NCKAP5: variants seen among roughly 807,000 people sequenced by gnomAD.
The protein encoded by NCKAP5 is NCK associated protein 5.
Under a neutral mutation model 167.0 loss-of-function variants are expected in NCKAP5, and 92 were observed. The ratio of observed to expected loss-of-function variants is 0.55; its 90% CI spans 0.47 to 0.66. NCKAP5 has a LOEUF of 0.66. Ranked by LOEUF, NCKAP5 falls within the 30% of genes least tolerant of loss-of-function variation. NCKAP5 has a pLI of 0.00. For missense variants in NCKAP5, 2,378 were observed against 2,315.0 expected (o/e 1.03, Z -0.56); for synonymous variants, 891 against 877.4 (o/e 1.02, Z -0.27).
At chr2:133,320,539 T>C (rs1057130451) in intron 3 of NCKAP5, among the ~76,000 whole-genome samples, 21 of 152,174 alleles carry the variant, frequency 1.4e-4, no homozygotes, top group Middle Eastern at 3.4e-3. Context: ...CCATCCTGGC[T>C]AACATGGTGA....
chr2:132,789,254 C>T lies in NCKAP5; in HGVS notation c.1092+769G>A, dbSNP rs760064285. Among the ~76,000 whole-genome samples the T allele has an allele frequency of 2.1e-3, 326 of 152,308 alleles. 1 individual carries two copies. Among genetic ancestry groups the T allele is most frequent in the South Asian group, 0.013 (63 of 4,822 alleles). The stretch of plus-strand genomic sequence containing the variant: ...TCACAAAGCGAGGAAACATCCCTGA[C>T]CATCTGTCCAGTCTGTTCCAAACCA... On this transcript the variant is annotated intron_variant, in intron 13 of 19. Transcript: ENST00000409261.
At chr2:133,594,779 T>C in the NCKAP5 span, among the ~76,000 whole-genome samples, 1 of 152,172 alleles carries the variant, frequency 6.6e-6, no homozygotes, top group African/African-American at 2.4e-5. Context: ...ACAATATAGT[T>C]ACTTTAAGAC....
At chr2:133,414,414 A>G (rs1325528898) in intron 3 of NCKAP5, among the ~76,000 whole-genome samples, 2 of 152,142 alleles carry the variant, frequency 1.3e-5, no homozygotes, top group Non-Finnish European at 2.9e-5. Context: ...TAGTGGAATC[A>G]TTTACCCTAA....
Position 132,782,018 on chromosome 2 carries a change from A to T in NCKAP5, c.4793T>A (p.Leu1598Gln). The T allele has an allele frequency of 6.2e-7, 1 of 1,613,958 alleles. No homozygotes were observed. The highest frequency in any genetic ancestry group is 8.5e-7 in the Non-Finnish European group (1 of 1,179,878). ...GTGTCTATTCCTTGGTTCAATCTTC[A>T]GTTGGTTGTAAATGTCTTGTGGTGT... ...RRTPQDIYNQ[L>Q]KIEPRNRHSP... Residue 1598 changes from leucine (L) to glutamine (Q), a missense_variant, in exon 14 of 20, where the codon CTG becomes CAG. Around this residue, in one of 3 missense-constraint regions of NCKAP5, gnomAD observed 1,325 missense variants for 1,274.5 expected, o/e 1.04. Coordinates refer to ENST00000409261, the MANE Select transcript of NCKAP5 (RefSeq NM_207363.3).
chr2:132,684,073 G>A (rs750528299), intron 19 of NCKAP5, among the ~76,000 whole-genome samples: 7 of 152,154 alleles, frequency 4.6e-5, no homozygotes, highest in Admixed American at 1.3e-4. Flanking sequence ...CTCTTCAACT[G>A]GCTTTATGCC....
intron 4 of NCKAP5, among the ~76,000 whole-genome samples, chr2:133,256,594 T>C (rs2088630030): frequency 6.6e-6 from 1 of 152,192 alleles, no homozygotes; most frequent in Non-Finnish European, 1.5e-5. Context: ...TTTAAAAAAA[T>C]AGATAAATGT....
intron 8 of NCKAP5, among the ~76,000 whole-genome samples, chr2:132,907,504 G>T (rs1160353915): frequency 4.6e-5 from 7 of 152,074 alleles, no homozygotes; most frequent in Admixed American, 4.6e-4. Context: ...TTTCCTCTTT[G>T]TAGGTGGGAA....
intron 8 of NCKAP5, among the ~76,000 whole-genome samples, chr2:132,880,964 T>C (rs914571766): frequency 3.3e-5 from 5 of 152,206 alleles, no homozygotes; most frequent in Non-Finnish European, 5.9e-5. Flanking sequence ...TCTTGTACAA[T>C]CACAGTATAG....
At chr2:132,866,178 C>T (rs529313671) in intron 10 of NCKAP5, among the ~76,000 whole-genome samples, 13 of 152,162 alleles carry the variant, frequency 8.5e-5, no homozygotes, top group South Asian at 2.1e-4. Context: ...TTCATATGAA[C>T]GAAAATAACT....
chr2:132,880,459 A>G (rs34648449), intron 8 of NCKAP5, among the ~76,000 whole-genome samples: 59,059 of 151,838 alleles, frequency 0.39, 11,835 homozygotes, highest in Middle Eastern at 0.53. Context: ...GTGAAACCCC[A>G]TCTCTACTAA....
intron 8 of NCKAP5, among the ~76,000 whole-genome samples, chr2:132,884,700 G>A (rs999350446): frequency 3.9e-5 from 6 of 152,106 alleles, no homozygotes; most frequent in African/African-American, 1.4e-4. Flanking sequence ...ATTTTAGTAA[G>A]CCAGCAGTAC....
intron 11 of NCKAP5, among the ~76,000 whole-genome samples, chr2:132,811,653 C>T (rs535425724): frequency 3.9e-5 from 6 of 152,096 alleles, no homozygotes; most frequent in Admixed American, 6.5e-5. Flanking sequence ...TGTTTCCAGG[C>T]GGAAGGTGAG....
intron 7 of NCKAP5, among the ~76,000 whole-genome samples, chr2:132,978,482 T>C (rs1410790468): frequency 6.6e-6 from 1 of 152,186 alleles, no homozygotes; most frequent in Non-Finnish European, 1.5e-5. Context: ...CATTTCCTCA[T>C]AGGCAAAATG....
chr2:132,724,419 C>T (rs1190514740), intron 19 of NCKAP5, among the ~76,000 whole-genome samples: 1 of 152,098 alleles, frequency 6.6e-6, no homozygotes, highest in African/African-American at 2.4e-5. Flanking sequence ...GGAGAACGTT[C>T]GAGAGCTGAA....
At chr2:132,718,980 T>C (rs546538503) in intron 19 of NCKAP5, among the ~76,000 whole-genome samples, 1 of 152,288 alleles carries the variant, frequency 6.6e-6, no homozygotes, top group South Asian at 2.1e-4. Context: ...TGAAGGGGCA[T>C]CCTGAAGACT....
intron 7 of NCKAP5, among the ~76,000 whole-genome samples, chr2:132,974,702 G>C (rs900838035): frequency 6.6e-5 from 10 of 152,336 alleles, no homozygotes; most frequent in Non-Finnish European, 1.5e-4. Context: ...CTTTAGCCAA[G>C]CGTGAACCAT....
chr2:133,385,578 G>T lies in NCKAP5; in HGVS notation c.70-82468C>A, dbSNP rs1363821210. Reference sequence around the variant, plus strand: ...TGGCCTCATAAAATGAGTTAGGGAGGATTCCCTCTTTTTCTATTGATTGGA... The same window carrying T: ...TGGCCTCATAAAATGAGTTAGGGAGTATTCCCTCTTTTTCTATTGATTGGA... On this transcript the variant is annotated intron_variant, in intron 3 of 19. Transcript: ENST00000409261. 6.6e-5 allele frequency among the ~76,000 whole-genome samples: 10 copies of T among 152,316 alleles called. No individual in the cohort carries two copies. The East Asian group carries it at 1.2e-3, about 18-fold the overall frequency.
At position 133,520,198 on chromosome 2, in the gene NCKAP5, T is replaced by TATAAAA. The variant is rs1275320712; in HGVS notation, c.-61-2617_-61-2612dup. Among the ~76,000 whole-genome samples the TATAAAA allele has an allele frequency of 8.4e-4, 127 of 151,882 alleles. 1 individual carries two copies. The highest frequency in any genetic ancestry group is 2.9e-3 in the African/African-American group (119 of 41,406). On this transcript the variant is annotated intron_variant, in intron 2 of 19. Coordinates refer to ENST00000409261, the MANE Select transcript of NCKAP5 (RefSeq NM_207363.3). The stretch of plus-strand genomic sequence containing the variant: ...TACAGAGCGAGACTCCATCTCAAAA[T>TATAAAA]ATAAAAATAAAAATAAAAAGAGAGA...
chr2:132,742,186 T>C (rs1184688271), intron 16 of NCKAP5, among the ~76,000 whole-genome samples: 2 of 152,160 alleles, frequency 1.3e-5, no homozygotes, highest in East Asian at 3.9e-4. Context: ...CACAGGTGGC[T>C]ATTATGGGTG....
Sources: allele counts gnomAD v4.1 joint callset (sites outside exome capture counted in the v4.1 genomes callset), GRCh38; gene constraint gnomAD v4.1.1; regional missense constraint gnomAD v4.1.1; transcripts MANE v1.5; gene names NCBI Gene and HGNC (gene_info 2026-07-23, HGNC 2026-07-21).